The following CCDC171 variants were observed in gnomAD, a reference collection of about 807,000 sequenced individuals.
The protein encoded by CCDC171 is coiled-coil domain-containing protein 171.
A neutral mutation model predicts 168.2 loss-of-function variants in CCDC171; 177 were observed. The observed-to-expected ratio is 1.05, with a 90% CI of 0.93 to 1.19. CCDC171 has a LOEUF of 1.19. CCDC171 is among the 50% of genes most tolerant of loss of function. The pLI, the probability that CCDC171 is intolerant of heterozygous loss-of-function variation, is 0.00. For synonymous variants in CCDC171, 687 were observed against 540.8 expected, an observed-to-expected ratio of 1.27 and a Z score of -3.75; for missense variants, 1,991 against 1,539.0, an observed-to-expected ratio of 1.29 and a Z score of -4.91.
upstream of CCDC171, among the ~76,000 whole-genome samples, chr9:16,042,538 A>G (rs1447016491): frequency 2.0e-5 from 3 of 152,138 alleles, no homozygotes; most frequent in Non-Finnish European, 4.4e-5. Context: ...GTGAATTATA[A>G]CCCCTGAGGA....
intron 8 of CCDC171, among the ~76,000 whole-genome samples, chr9:15,659,558 T>C (rs1284220966): frequency 3.9e-5 from 6 of 152,218 alleles, no homozygotes; most frequent in Non-Finnish European, 8.8e-5. Flanking sequence ...TCTTATTTCA[T>C]GTTATTTAGC....
At chr9:15,599,800 T>G (rs1381026548) in intron 6 of CCDC171, among the ~76,000 whole-genome samples, 1 of 152,312 alleles carries the variant, frequency 6.6e-6, no homozygotes, top group East Asian at 1.9e-4. Flanking sequence ...AGACGTAGAT[T>G]TGGTCTTTTC....
At chr9:15,877,819 C>T (rs1429320368) in intron 24 of CCDC171, among the ~76,000 whole-genome samples, 2 of 152,064 alleles carry the variant, frequency 1.3e-5, no homozygotes, top group Non-Finnish European at 2.9e-5. Context: ...CTCTGAATTA[C>T]AATTTTTCAA....
At chr9:15,630,585 T>A (rs1048268268) in intron 7 of CCDC171, among the ~76,000 whole-genome samples, 3 of 152,190 alleles carry the variant, frequency 2.0e-5, no homozygotes, top group African/African-American at 7.2e-5. Flanking sequence ...TGGGAGACTT[T>A]AACACCCCAC....
At chr9:15,653,367 C>G (rs977615257) in intron 7 of CCDC171, among the ~76,000 whole-genome samples, 10 of 152,078 alleles carry the variant, frequency 6.6e-5, no homozygotes, top group African/African-American at 2.4e-4. Flanking sequence ...GCCTTGGACT[C>G]CTGGGCTCAA....
At chr9:16,044,710 G>C (rs546732961) in intron 1 of CCDC171, among the ~76,000 whole-genome samples, 1 of 152,254 alleles carries the variant, frequency 6.6e-6, no homozygotes, top group East Asian at 1.9e-4. Context: ...TGCACAGGGA[G>C]GAGGACGCTC....
the CCDC171 span, among the ~76,000 whole-genome samples, chr9:16,082,313 G>T: frequency 8.2e-4 from 125 of 152,322 alleles, no homozygotes; most frequent in Non-Finnish European, 1.2e-3. Flanking sequence ...AATCAAGTGA[G>T]TTATGTATGG....
chr9:16,038,921 G>A (rs1231025572), upstream of CCDC171, among the ~76,000 whole-genome samples: 7 of 148,548 alleles, frequency 4.7e-5, no homozygotes, highest in Non-Finnish European at 8.9e-5. Context: ...ACTAAAGGGC[G>A]AAATTTATGA....
At chr9:15,634,829 C>G (rs1366470138) in intron 7 of CCDC171, among the ~76,000 whole-genome samples, 1 of 152,152 alleles carries the variant, frequency 6.6e-6, no homozygotes, top group African/African-American at 2.4e-5. Context: ...CATCCCTAAG[C>G]AACCACTACT....
chr9:15,650,113 G>A (rs1305197082), intron 7 of CCDC171, among the ~76,000 whole-genome samples: 2 of 152,158 alleles, frequency 1.3e-5, no homozygotes, highest in Non-Finnish European at 2.9e-5. Context: ...CATGGATGAA[G>A]CTGGAAACCA....
At chr9:15,902,353 C>A (rs138051990) in intron 24 of CCDC171, among the ~76,000 whole-genome samples, 1 of 150,646 alleles carries the variant, frequency 6.6e-6, no homozygotes, top group African/African-American at 2.4e-5. Flanking sequence ...ACTTTTGTTA[C>A]GAATGTAGAA....
chr9:15,887,252 CA>C (rs904867658), intron 24 of CCDC171, among the ~76,000 whole-genome samples: 13 of 151,774 alleles, frequency 8.6e-5, no homozygotes, highest in Admixed American at 2.6e-4. Flanking sequence ...CTTTATTTGT[CA>C]AAAAAATATT....
intron 7 of CCDC171, among the ~76,000 whole-genome samples, chr9:15,644,274 G>T (rs920510785): frequency 4.6e-5 from 7 of 152,168 alleles, no homozygotes; most frequent in Non-Finnish European, 7.3e-5. Flanking sequence ...GGTCCAAGAT[G>T]GCCGAATAGG....
chr9:15,661,865 G>GC (rs2048348467), intron 8 of CCDC171, among the ~76,000 whole-genome samples: 1 of 152,128 alleles, frequency 6.6e-6, no homozygotes, highest in Non-Finnish European at 1.5e-5. Context: ...TTTACTGTTT[G>GC]GCTTACAAAC....
intron 1 of CCDC171, among the ~76,000 whole-genome samples, chr9:15,557,754 G>T (rs4281189): frequency 6.6e-6 from 1 of 151,756 alleles, no homozygotes; most frequent in South Asian, 2.1e-4. Context: ...GATTGCCCTG[G>T]CCAGAAGTTC....
intron 18 of CCDC171, among the ~76,000 whole-genome samples, chr9:15,774,523 C>T (rs921112502): frequency 1.7e-4 from 26 of 152,098 alleles, no homozygotes; most frequent in Non-Finnish European, 2.6e-4. Flanking sequence ...TAAACTAGTA[C>T]AACCACTATG....
At chr9:15,754,823 G>T (rs2055996901) in intron 18 of CCDC171, among the ~76,000 whole-genome samples, 1 of 151,998 alleles carries the variant, frequency 6.6e-6, no homozygotes, top group Non-Finnish European at 1.5e-5. Flanking sequence ...TTGATTACTG[G>T]TTTGCTTGCT....
chr9:15,802,603 C>A (rs916292929), intron 21 of CCDC171, among the ~76,000 whole-genome samples: 7 of 152,148 alleles, frequency 4.6e-5, no homozygotes, highest in African/African-American at 1.7e-4. Context: ...CTTTTTATGG[C>A]TGCATGGTAT....
At chr9:15,792,586 G>A (rs188382323) in intron 21 of CCDC171, among the ~76,000 whole-genome samples, 2,932 of 152,116 alleles carry the variant, frequency 0.019, 108 homozygotes, top group African/African-American at 0.067. Context: ...AGGTCGGGTT[G>A]CCCACAAAGG....
Sources: gnomAD v4.1 joint callset for allele counts (sites outside exome capture counted in the v4.1 genomes callset) on GRCh38, gnomAD v4.1.1 for gene constraint, MANE v1.5 for transcripts, NCBI Gene and HGNC (gene_info 2026-07-23, HGNC 2026-07-21) for gene names.